The following JAZF1 variants were observed in gnomAD, a reference collection of about 807,000 sequenced individuals.
JAZF1 encodes the protein juxtaposed with another zinc finger protein 1.
JAZF1 carries 8 observed loss-of-function variants against 26.4 expected under a neutral mutation model. That is an observed-to-expected ratio of 0.30 (90% CI 0.18 to 0.55). The LOEUF (loss-of-function observed/expected upper bound fraction) is 0.55. JAZF1 is among the 20% of genes least tolerant of loss of function. The probability of loss-of-function intolerance (pLI) is 0.94; values close to 1 mark genes in which losing one functional copy is unlikely to be tolerated. For missense variants in JAZF1, 199 were observed against 322.0 expected (o/e 0.62, Z 2.92); for synonymous variants, 126 against 122.3 (o/e 1.03, Z -0.20).
In JAZF1 at chr7:28,130,138, T is replaced by C. The variant is rs183466729; in HGVS notation, c.115+50325A>G. On this transcript the variant is annotated intron_variant, in intron 1 of 4. Transcript: ENST00000283928. Reference sequence around the variant, plus strand: ...GGCAGAGTTTATTAGTAATCTTTACTAGCTCATTAGCTCATTTTAGTGAAA... The same window carrying C: ...GGCAGAGTTTATTAGTAATCTTTACCAGCTCATTAGCTCATTTTAGTGAAA... Among the ~76,000 whole-genome samples, 92 of 152,342 alleles carry C rather than the reference T, an allele frequency of 6.0e-4. 1 individual carries two copies. The East Asian group carries it at 0.014, about 24-fold the overall frequency.
chr7:27,918,976 G>A (rs1784485663), intron 2 of JAZF1, among the ~76,000 whole-genome samples: 1 of 152,176 alleles, frequency 6.6e-6, no homozygotes, highest in South Asian at 2.1e-4. Flanking sequence ...ACTTTGTGAT[G>A]TTATCTGGCC....
chr7:28,032,838 A>T (rs1037258388), intron 1 of JAZF1, among the ~76,000 whole-genome samples: 1 of 152,124 alleles, frequency 6.6e-6, no homozygotes, highest in Admixed American at 6.6e-5. Flanking sequence ...CAACGGGCCC[A>T]GTCTTTGACC....
intron 1 of JAZF1, among the ~76,000 whole-genome samples, chr7:27,997,328 G>A (rs904254285): frequency 2.0e-5 from 3 of 152,062 alleles, no homozygotes; most frequent in African/African-American, 4.8e-5. Context: ...AGGGGAGAGC[G>A]CAGGGCTGAG....
chr7:28,079,220 T>C (rs1232955677), intron 1 of JAZF1, among the ~76,000 whole-genome samples: 3 of 152,154 alleles, frequency 2.0e-5, no homozygotes, highest in Non-Finnish European at 4.4e-5. Context: ...CTTGAACTCC[T>C]GACCTCAGGT....
intron 1 of JAZF1, among the ~76,000 whole-genome samples, chr7:27,998,947 T>A (rs1456005524): frequency 6.6e-6 from 1 of 152,212 alleles, no homozygotes; most frequent in Admixed American, 6.5e-5. Flanking sequence ...TGTAGAATCA[T>A]CAATGACTGC....
At chr7:27,958,931 G>A (rs1785144485) in intron 2 of JAZF1, among the ~76,000 whole-genome samples, 1 of 152,124 alleles carries the variant, frequency 6.6e-6, no homozygotes, top group South Asian at 2.1e-4. Context: ...GCGGTAATTG[G>A]TTTTACTAGC....
At chr7:28,045,875 G>T (rs1408883716) in intron 1 of JAZF1, among the ~76,000 whole-genome samples, 1 of 152,122 alleles carries the variant, frequency 6.6e-6, no homozygotes, top group East Asian at 1.9e-4. Context: ...TGCCTGGCCT[G>T]TTTTTATTGC....
intron 2 of JAZF1, among the ~76,000 whole-genome samples, chr7:27,988,206 A>G (rs1283834340): frequency 7.0e-6 from 1 of 142,202 alleles, no homozygotes; most frequent in Non-Finnish European, 1.6e-5. Flanking sequence ...AAAAAAAAAA[A>G]GAACATGATT....
At chr7:28,147,835 G>A (rs972404294) in intron 1 of JAZF1, among the ~76,000 whole-genome samples, 2 of 151,964 alleles carry the variant, frequency 1.3e-5, no homozygotes, top group Non-Finnish European at 2.9e-5. Context: ...CCTGAACATG[G>A]GGAGATTGAG....
intron 2 of JAZF1, among the ~76,000 whole-genome samples, chr7:27,918,763 T>C (rs937547254): frequency 6.6e-6 from 1 of 152,068 alleles, no homozygotes; most frequent in Non-Finnish European, 1.5e-5. Context: ...TGACTATACA[T>C]GTCCTGTTCA....
intron 2 of JAZF1, among the ~76,000 whole-genome samples, chr7:27,930,862 A>C (rs1476046694): frequency 6.6e-6 from 1 of 152,214 alleles, no homozygotes; most frequent in African/African-American, 2.4e-5. Context: ...TAAGTTGACA[A>C]AACAATATGC....
intron 1 of JAZF1, among the ~76,000 whole-genome samples, chr7:28,024,133 A>G (rs1423470167): frequency 2.0e-5 from 3 of 151,566 alleles, no homozygotes; most frequent in Non-Finnish European, 2.9e-5. Flanking sequence ...AAAAAAAAAT[A>G]AAATAAAAAA....
intron 2 of JAZF1, among the ~76,000 whole-genome samples, chr7:27,968,557 A>C (rs1785318221): frequency 6.6e-6 from 1 of 152,244 alleles, no homozygotes; most frequent in African/African-American, 2.4e-5. Flanking sequence ...TTAAAACTGT[A>C]GAAAATAAGA....
chr7:27,840,930 C>A lies in JAZF1; in HGVS notation c.386-63G>T, dbSNP rs555715347. 1.9e-6 allele frequency: 3 copies of A among 1,562,300 alleles called. No homozygotes were observed. The highest frequency in any genetic ancestry group is 2.6e-6 in the Non-Finnish European group (3 of 1,144,308). On this transcript the variant is annotated intron_variant, in intron 3 of 4. Coordinates refer to ENST00000283928, the MANE Select transcript of JAZF1 (RefSeq NM_175061.4). The surrounding 1 kb of genome is among the most constrained non-coding windows in gnomAD (Gnocchi z 5.1). ...CTCATCTCCCCACAGGTTCACCCGG[C>A]CACTTCCAGGACAGGAGATGTGGCC...
At chr7:28,115,623 A>G (rs994561100) in intron 1 of JAZF1, among the ~76,000 whole-genome samples, 2 of 152,240 alleles carry the variant, frequency 1.3e-5, no homozygotes, top group Non-Finnish European at 2.9e-5. Flanking sequence ...CTGTAAAGAC[A>G]TGTAACTTAT....
intron 2 of JAZF1, among the ~76,000 whole-genome samples, chr7:27,974,208 T>A (rs1244551303): frequency 6.6e-6 from 1 of 151,662 alleles, no homozygotes; most frequent in South Asian, 2.1e-4. Context: ...TGGTTAAAAA[T>A]GGGGGCTGAA....
At chr7:27,932,388 T>A (rs1319340138) in intron 2 of JAZF1, among the ~76,000 whole-genome samples, 1 of 152,154 alleles carries the variant, frequency 6.6e-6, no homozygotes, top group African/African-American at 2.4e-5. Flanking sequence ...TGATAGGTGC[T>A]CCCACATCAT....
intron 3 of JAZF1, among the ~76,000 whole-genome samples, chr7:27,880,699 C>T (rs572766081): frequency 1.3e-5 from 2 of 152,318 alleles, no homozygotes; most frequent in East Asian, 1.9e-4. Flanking sequence ...GGGTCTTGCT[C>T]TGTTGCCCAG....
intron 1 of JAZF1, among the ~76,000 whole-genome samples, chr7:28,114,160 G>A (rs1784704134): frequency 6.6e-6 from 1 of 152,162 alleles, no homozygotes; most frequent in South Asian, 2.1e-4. Flanking sequence ...AGATCCCACA[G>A]ACCAGACTGT....
Sources: gnomAD v4.1 joint callset for allele counts (sites outside exome capture counted in the v4.1 genomes callset) on GRCh38, gnomAD v4.1.1 for gene constraint, Gnocchi (gnomAD v3.1) non-coding constraint, MANE v1.5 for transcripts, NCBI Gene and HGNC (gene_info 2026-07-23, HGNC 2026-07-21) for gene names.